The following UNC5C variants were observed in gnomAD, a reference collection of about 807,000 sequenced individuals.
UNC5C encodes unc-5 netrin receptor C.
UNC5C carries 47 observed loss-of-function variants against 99.8 expected under a neutral mutation model. The observed-to-expected ratio is 0.47, with a 90% confidence interval of 0.37 to 0.60. The LOEUF (loss-of-function observed/expected upper bound fraction) is 0.60, where lower values mean the gene tolerates loss of function less well. Among genes scored for constraint, UNC5C ranks in the 20% least tolerant of loss-of-function variants. The pLI, the probability that UNC5C is intolerant of heterozygous loss-of-function variation, is 0.00. For synonymous variants in UNC5C, 487 were observed against 452.2 expected (o/e 1.08, Z -0.98); for missense variants, 1,062 against 1,165.9 (o/e 0.91, Z 1.30).
At chr4:95,238,186 A>G (rs996983723) in intron 7 of UNC5C, among the ~76,000 whole-genome samples, 2 of 152,074 alleles carry the variant, frequency 1.3e-5, no homozygotes, top group Non-Finnish European at 2.9e-5. Flanking sequence ...ACAATTTTGG[A>G]TTTCCTTTTA....
chr4:95,228,237 T>A (rs1738767407), intron 7 of UNC5C, among the ~76,000 whole-genome samples: 1 of 152,246 alleles, frequency 6.6e-6, no homozygotes, highest in Non-Finnish European at 1.5e-5. Flanking sequence ...CAACTACTTT[T>A]ATTTTTCTAG....
intron 1 of UNC5C, among the ~76,000 whole-genome samples, chr4:95,396,982 G>A (rs1745531602): frequency 6.6e-6 from 1 of 152,132 alleles, no homozygotes; most frequent in Admixed American, 6.6e-5. Flanking sequence ...TCATGTGCTA[G>A]GCTCTATGGC....
At chr4:95,312,080 C>CA (rs1367793886) in intron 2 of UNC5C, among the ~76,000 whole-genome samples, 8 of 151,672 alleles carry the variant, frequency 5.3e-5, no homozygotes, top group African/African-American at 1.9e-4. Flanking sequence ...ACAACAACAA[C>CA]AAAAAACAAA....
chr4:95,386,278 T>C (rs1373006593), intron 1 of UNC5C, among the ~76,000 whole-genome samples: 1 of 152,180 alleles, frequency 6.6e-6, no homozygotes, highest in Non-Finnish European at 1.5e-5. Context: ...GCAGGTTAGT[T>C]ACTTATGTAT....
At chr4:95,403,342 C>G (rs1406839708) in intron 1 of UNC5C, among the ~76,000 whole-genome samples, 1 of 152,138 alleles carries the variant, frequency 6.6e-6, no homozygotes, top group Non-Finnish European at 1.5e-5. Context: ...TTGAACAGGA[C>G]AGGTGAGCTG....
intron 7 of UNC5C, among the ~76,000 whole-genome samples, chr4:95,234,467 G>T (rs1034929042): frequency 6.6e-6 from 1 of 151,884 alleles, no homozygotes; most frequent in Non-Finnish European, 1.5e-5. Context: ...ACGTTCGTGT[G>T]CTGCACCCAA....
chr4:95,206,627 C>T lies in UNC5C; in HGVS notation c.1902+1G>A, dbSNP rs1300757884. 1 of 1,614,046 alleles carries T rather than the reference C, an allele frequency of 6.2e-7. No individual in the cohort carries two copies. ...GCATCTTTATCCCGACAGCAGCTCA[C>T]CTCCCACTGTCCCTGTGCTGCCTGG... is the stretch of plus-strand genomic sequence containing the variant. On this transcript the variant is annotated splice_donor_variant, in intron 11 of 15. Transcript: ENST00000453304. LOFTEE classifies it high-confidence loss of function.
At chr4:95,474,216 G>C (rs1450310477) in intron 1 of UNC5C, among the ~76,000 whole-genome samples, 1 of 152,102 alleles carries the variant, frequency 6.6e-6, no homozygotes. Context: ...CTGCCACAAA[G>C]TTGAGATGGA....
At chr4:95,213,770 A>C (rs562630329) in intron 10 of UNC5C, among the ~76,000 whole-genome samples, 48 of 152,316 alleles carry the variant, frequency 3.2e-4, no homozygotes, top group African/African-American at 1.1e-3. Flanking sequence ...TGATGTCCTC[A>C]CAGAGTCTTC....
intron 1 of UNC5C, among the ~76,000 whole-genome samples, chr4:95,373,865 T>G (rs979715521): frequency 6.6e-6 from 1 of 152,198 alleles, no homozygotes; most frequent in African/African-American, 2.4e-5. Context: ...TTATTTCATC[T>G]TAGTTTGTTA....
chr4:95,436,282 A>G (rs1311310938), intron 1 of UNC5C, among the ~76,000 whole-genome samples: 4 of 151,922 alleles, frequency 2.6e-5, no homozygotes, highest in Middle Eastern at 3.2e-3. Context: ...TGGAGGAAGT[A>G]CCCCTCTATT....
intron 1 of UNC5C, among the ~76,000 whole-genome samples, chr4:95,365,860 T>C (rs970462043): frequency 3.3e-5 from 5 of 152,318 alleles, no homozygotes; most frequent in Middle Eastern, 3.4e-3. Context: ...TTTTCCTTTT[T>C]ATCTAGGGTT....
chr4:95,532,580 AAAG>A (rs1441824012), intron 1 of UNC5C, among the ~76,000 whole-genome samples: 1 of 152,202 alleles, frequency 6.6e-6, no homozygotes, highest in Non-Finnish European at 1.5e-5. Flanking sequence ...GACACAGGGA[AAAG>A]AAGAGTGCTC....
At chr4:95,400,841 C>A (rs1157558684) in intron 1 of UNC5C, among the ~76,000 whole-genome samples, 1 of 152,148 alleles carries the variant, frequency 6.6e-6, no homozygotes, top group African/African-American at 2.4e-5. Flanking sequence ...GTAAGCCCTG[C>A]CTGGTCACGT....
At chr4:95,323,850 A>T (rs1742789339) in intron 2 of UNC5C, among the ~76,000 whole-genome samples, 1 of 152,172 alleles carries the variant, frequency 6.6e-6, no homozygotes, top group South Asian at 2.1e-4. Context: ...AGCCTGGCCA[A>T]CATGGTGAAA....
chr4:95,203,038 G>A, intron 11 of UNC5C, 74 bp from the exon 12 acceptor site: 1 of 1,357,498 alleles, frequency 7.4e-7, no homozygotes, highest in Admixed American at 1.8e-5. Context: ...GGTGGTGAAT[G>A]GTGAGTAGAG....
At chr4:95,208,001 T>C (rs1230163411) in intron 10 of UNC5C, among the ~76,000 whole-genome samples, 1 of 152,186 alleles carries the variant, frequency 6.6e-6, no homozygotes, top group Non-Finnish European at 1.5e-5. Context: ...CCAAACAACC[T>C]CAATGTTTCC....
chr4:95,452,065 A>C (rs1385508126), intron 1 of UNC5C, among the ~76,000 whole-genome samples: 1 of 152,194 alleles, frequency 6.6e-6, no homozygotes, highest in Non-Finnish European at 1.5e-5. Flanking sequence ...CATATTGGTT[A>C]AAACAAAGTG....
At chr4:95,239,194 G>A (rs928136734) in intron 7 of UNC5C, among the ~76,000 whole-genome samples, 1 of 152,168 alleles carries the variant, frequency 6.6e-6, no homozygotes, top group Non-Finnish European at 1.5e-5. Context: ...GTGGCTTGCT[G>A]TTTGCTCTGC....
Sources: gnomAD v4.1 joint callset for allele counts (sites outside exome capture counted in the v4.1 genomes callset) on GRCh38, gnomAD v4.1.1 for gene constraint, MANE v1.5 for transcripts, NCBI Gene and HGNC (gene_info 2026-07-23, HGNC 2026-07-21) for gene names.